Variants in ZSWIM6 observed in about 807,000 individuals in gnomAD.
The protein encoded by ZSWIM6 is zinc finger SWIM-type containing 6.
ZSWIM6 carries 9 observed loss-of-function variants against 113.2 expected under a neutral mutation model. The ratio of observed to expected loss-of-function variants is 0.08; its 90% CI spans 0.05 to 0.14. ZSWIM6 has a LOEUF of 0.14. ZSWIM6 is among the 10% of genes least tolerant of loss of function. The probability of loss-of-function intolerance (pLI) is 1.00; values close to 1 mark genes in which losing one functional copy is unlikely to be tolerated. For missense variants in ZSWIM6, 1,162 were observed against 1,552.2 expected (o/e 0.75, Z 4.22); for synonymous variants, 611 against 606.5 (o/e 1.01, Z -0.11).
At chr5:61,492,925 C>A (rs1346546798) in intron 3 of ZSWIM6, among the ~76,000 whole-genome samples, 1 of 152,094 alleles carries the variant, frequency 6.6e-6, no homozygotes, top group Non-Finnish European at 1.5e-5. Context: ...CCCACCTTTT[C>A]TACTGCTTGT....
chr5:61,530,835 G>A lies in ZSWIM6; in HGVS notation c.1985-630G>A, dbSNP rs549872135. Among the ~76,000 whole-genome samples, 5 of 152,288 alleles carry A rather than the reference G, an allele frequency of 3.3e-5. No individual in the cohort carries two copies. The South Asian group carries it at 1.0e-3, about 32-fold the overall frequency. On this transcript the variant is annotated intron_variant, in intron 8 of 13. Transcript: ENST00000252744. ...CTTGCCCCTTCATAATTTGCCCTGT[G>A]ATAGTTGCCTTCATGGACTGTGGGT...
At chr5:61,423,372 C>T (rs1746393558) in intron 1 of ZSWIM6, among the ~76,000 whole-genome samples, 1 of 149,348 alleles carries the variant, frequency 6.7e-6, no homozygotes, top group Non-Finnish European at 1.5e-5. Flanking sequence ...CGTGCTATTG[C>T]ATTCCATCCT....
intron 1 of ZSWIM6, among the ~76,000 whole-genome samples, chr5:61,357,722 A>G (rs1194089010): frequency 6.6e-6 from 1 of 152,118 alleles, no homozygotes; most frequent in Admixed American, 6.6e-5. Flanking sequence ...TTAAAAAATA[A>G]TCTCAGAATA....
chr5:61,364,818 A>C (rs1745117110), intron 1 of ZSWIM6, among the ~76,000 whole-genome samples: 1 of 152,084 alleles, frequency 6.6e-6, no homozygotes, highest in African/African-American at 2.4e-5. Flanking sequence ...CTCATGACCT[A>C]ATCGTCCCTC....
chr5:61,352,131 C>CT (rs1349293393), intron 1 of ZSWIM6, among the ~76,000 whole-genome samples: 1 of 152,188 alleles, frequency 6.6e-6, no homozygotes, highest in Non-Finnish European at 1.5e-5. Context: ...GGCTGCCCTG[C>CT]TACCTGCCTT....
chr5:61,486,368 A>G (rs2112207146), intron 2 of ZSWIM6, among the ~76,000 whole-genome samples: 1 of 152,110 alleles, frequency 6.6e-6, no homozygotes, highest in South Asian at 2.1e-4. Flanking sequence ...GATTGATTCC[A>G]TATCTTTGCT....
intron 1 of ZSWIM6, among the ~76,000 whole-genome samples, chr5:61,415,527 G>A (rs542617820): frequency 6.6e-6 from 1 of 152,038 alleles, no homozygotes; most frequent in African/African-American, 2.4e-5. Flanking sequence ...GGGAGTCACA[G>A]GTTGCAGTGA....
chr5:61,339,015 A>G lies in ZSWIM6; in HGVS notation c.676+6067A>G, dbSNP rs143883602. Among the ~76,000 whole-genome samples the G allele has an allele frequency of 7.9e-5, 12 of 152,314 alleles. No individual in the cohort carries two copies. The East Asian group carries it at 2.3e-3, about 29-fold the overall frequency. ...CTCTTTTTTTTCCACAAAAATGGAT[A>G]ATCAATTGCTGTCTCAATTCTAACC... On this transcript the variant is annotated intron_variant, in intron 1 of 13. Transcript: ENST00000252744.
At chr5:61,486,156 C>G (rs1748015315) in intron 2 of ZSWIM6, among the ~76,000 whole-genome samples, 1 of 152,164 alleles carries the variant, frequency 6.6e-6, no homozygotes, top group Non-Finnish European at 1.5e-5. Flanking sequence ...ATTCCACACA[C>G]TCCATGCCCT....
chr5:61,515,323 G>A (rs964693075), intron 4 of ZSWIM6, among the ~76,000 whole-genome samples: 6 of 152,092 alleles, frequency 3.9e-5, no homozygotes, highest in African/African-American at 1.4e-4. Context: ...AGTTGAGACA[G>A]GGTTTCACCA....
chr5:61,516,713 A>G (rs949871018), intron 4 of ZSWIM6, among the ~76,000 whole-genome samples: 4 of 151,782 alleles, frequency 2.6e-5, no homozygotes, highest in African/African-American at 7.2e-5. Flanking sequence ...GTCAAAAATA[A>G]TCTATTTACT....
chr5:61,364,236 T>C (rs998297933), intron 1 of ZSWIM6, among the ~76,000 whole-genome samples: 12 of 151,940 alleles, frequency 7.9e-5, no homozygotes, highest in African/African-American at 2.7e-4. Context: ...GAAAACATAA[T>C]AGCATACTCC....
chr5:61,446,800 TAAC>T (rs1343700973), intron 1 of ZSWIM6, among the ~76,000 whole-genome samples: 1 of 152,126 alleles, frequency 6.6e-6, no homozygotes, highest in Non-Finnish European at 1.5e-5. Flanking sequence ...CAAAACATAA[TAAC>T]ATAAATGTAC....
chr5:61,500,064 A>G (rs1275617886), intron 4 of ZSWIM6, among the ~76,000 whole-genome samples: 1 of 151,540 alleles, frequency 6.6e-6, no homozygotes, highest in African/African-American at 2.4e-5. Context: ...CAGTGACTTC[A>G]AAAACATAAC....
intron 1 of ZSWIM6, among the ~76,000 whole-genome samples, chr5:61,461,625 G>A (rs528261545): frequency 6.6e-6 from 1 of 152,308 alleles, no homozygotes; most frequent in Non-Finnish European, 1.5e-5. Context: ...ACTGATGACT[G>A]TCAGTGTTTG....
chr5:61,458,407 GAGTAGATAAC>G (rs758469012), intron 1 of ZSWIM6, among the ~76,000 whole-genome samples: 5 of 152,124 alleles, frequency 3.3e-5, no homozygotes, highest in Non-Finnish European at 5.9e-5. Context: ...CTAAATAAAT[GAGTAGATAAC>G]AGAGATCCTA....
chr5:61,350,445 C>T (rs957754681), intron 1 of ZSWIM6, among the ~76,000 whole-genome samples: 5 of 152,100 alleles, frequency 3.3e-5, no homozygotes, highest in African/African-American at 9.7e-5. Context: ...GGGCTCTCCT[C>T]AATCTTTCAT....
At chr5:61,478,534 T>C (rs994265909) in intron 2 of ZSWIM6, among the ~76,000 whole-genome samples, 1 of 152,198 alleles carries the variant, frequency 6.6e-6, no homozygotes, top group Non-Finnish European at 1.5e-5. Context: ...CATGAATATC[T>C]TATGTTAGTA....
intron 1 of ZSWIM6, among the ~76,000 whole-genome samples, chr5:61,364,069 G>A (rs1458173344): frequency 3.0e-5 from 4 of 132,094 alleles, no homozygotes; most frequent in Non-Finnish European, 6.2e-5. Context: ...TTTCTTTTCT[G>A]GGTCTCACTG....
Sources: allele counts gnomAD v4.1 joint callset (sites outside exome capture counted in the v4.1 genomes callset), GRCh38; gene constraint gnomAD v4.1.1; transcripts MANE v1.5; gene names NCBI Gene and HGNC (gene_info 2026-07-23, HGNC 2026-07-21).